BOD1L1: variants seen among roughly 807,000 people sequenced by gnomAD.
BOD1L1 encodes the protein biorientation of chromosomes in cell division protein 1-like 1.
A neutral mutation model predicts 240.7 loss-of-function variants in BOD1L1; 86 were observed. The observed-to-expected ratio is 0.36, with a 90% CI of 0.30 to 0.43. The LOEUF is 0.43. Among genes scored for constraint, BOD1L1 ranks in the 20% least tolerant of loss-of-function variants. BOD1L1 has a pLI of 1.00. For synonymous variants in BOD1L1, 1,268 were observed against 1,272.3 expected (o/e 1.00, Z 0.07); for missense variants, 3,554 against 3,643.5 (o/e 0.98, Z 0.63).
At chr4:13,581,704 T>A (rs1481699819) in intron 19 of BOD1L1, among the ~76,000 whole-genome samples, 1 of 152,184 alleles carries the variant, frequency 6.6e-6, no homozygotes, top group Non-Finnish European at 1.5e-5. Flanking sequence ...GCCACTGCAA[T>A]TCTCTGCTCC....
At chr4:13,589,771 TA>T (rs1324592550) in intron 14 of BOD1L1, among the ~76,000 whole-genome samples, 1 of 152,188 alleles carries the variant, frequency 6.6e-6, no homozygotes, top group African/African-American at 2.4e-5. Context: ...TGGGGGCACA[TA>T]GGTGTTTATT....
Position 13,604,749 on chromosome 4 carries a change from A to C in BOD1L1, c.2151T>G (p.Leu717=). The C allele has an allele frequency of 6.2e-7, 1 of 1,612,932 alleles. No homozygotes were observed. The highest frequency in any genetic ancestry group is 8.5e-7 in the Non-Finnish European group (1 of 1,179,720). ...DSETPHLKSL[L]KKEVKSSKEK... Reference sequence around the variant, plus strand: ...CCTTGGAGGATTTCACCTCTTTCTTAAGTAGGCTTTTCAAATGTGGTGTTT... The same window carrying C: ...CCTTGGAGGATTTCACCTCTTTCTTCAGTAGGCTTTTCAAATGTGGTGTTT... Residue 717 remains leucine, a synonymous_variant, in exon 10 of 26, where the codon CTT becomes CTG. Transcript: ENST00000040738.
chr4:13,598,888 TCTG>T, intron 10 of BOD1L1, 55 bp downstream of exon 10: 2 of 1,492,548 alleles, frequency 1.3e-6, no homozygotes, highest in Non-Finnish European at 1.8e-6. Flanking sequence ...CTAAATGCAC[TCTG>T]TTGTACAATC....
intron 8 of BOD1L1, among the ~76,000 whole-genome samples, 191 bp downstream of exon 8, chr4:13,608,339 T>C (rs776475337): frequency 6.6e-6 from 1 of 152,154 alleles, no homozygotes; most frequent in Non-Finnish European, 1.5e-5. Context: ...CCCAAAAAGA[T>C]TAGGATACAC....
intron 14 of BOD1L1, 97 bp downstream of exon 14, chr4:13,590,289 T>C (rs1714096484): frequency 7.2e-6 from 4 of 557,738 alleles, no homozygotes; most frequent in Admixed American, 8.1e-5. Flanking sequence ...TGAGAGAAAG[T>C]ATGTAAAATA....
intron 25 of BOD1L1, among the ~76,000 whole-genome samples, chr4:13,574,666 G>A (rs2108878077): frequency 1.3e-5 from 2 of 152,210 alleles, no homozygotes; most frequent in South Asian, 4.2e-4. Context: ...AAATGCATGG[G>A]TGTTGGGCTC....
chr4:13,588,820 A>C (rs1577328340), intron 14 of BOD1L1, 28 bp from the exon 15 acceptor site: 1 of 1,472,988 alleles, frequency 6.8e-7, no homozygotes, highest in South Asian at 1.3e-5. Flanking sequence ...AAAAGAAAAA[A>C]AAATCTTAAA....
Position 13,602,487 on chromosome 4 carries a change from A to G in BOD1L1, c.4413T>C (p.Ile1471=). 2 of 1,613,778 alleles carry G rather than the reference A, an allele frequency of 1.2e-6. No individual in the cohort carries two copies. Residue 1471 remains isoleucine (I), a synonymous_variant, in exon 10 of 26, where the codon ATT becomes ATC. Coordinates refer to ENST00000040738, the MANE Select transcript of BOD1L1 (RefSeq NM_148894.3). ...RSPGKVKDIS[I]DVERRNENSE... is the part of the protein sequence containing the mutation. The stretch of plus-strand genomic sequence containing the variant: ...TGTTTTCATTCCTTCTTTCAACATC[A>G]ATTGATATGTCTTTTACTTTACCTG...
At chr4:13,592,173 ATAAAT>A (rs1714270428) in intron 12 of BOD1L1, 3 of 508,634 alleles carry the variant, frequency 5.9e-6, no homozygotes, top group South Asian at 3.2e-5. Flanking sequence ...AAAAGACAAC[ATAAAT>A]TAATGTTGCC....
chr4:13,595,786 T>TG, intron 12 of BOD1L1, 74 bp downstream of exon 12: 1 of 1,215,970 alleles, frequency 8.2e-7, no homozygotes, highest in Non-Finnish European at 1.2e-6. Context: ...CATCAGCTAT[T>TG]GATTTTTAGA....
chr4:13,586,727 T>C (rs1713729824), intron 16 of BOD1L1, among the ~76,000 whole-genome samples: 1 of 152,232 alleles, frequency 6.6e-6, no homozygotes, highest in East Asian at 1.9e-4. Context: ...TAGTGGGTTC[T>C]ATGGGAAGGG....
chr4:13,595,689 G>A (rs1714562900), intron 12 of BOD1L1, among the ~76,000 whole-genome samples, 171 bp downstream of exon 12: 1 of 152,140 alleles, frequency 6.6e-6, no homozygotes, highest in Non-Finnish European at 1.5e-5. Context: ...GAGGAAAAGT[G>A]TATGTTAAAA....
chr4:13,575,342 C>G (rs764199523), intron 25 of BOD1L1, among the ~76,000 whole-genome samples: 3 of 151,778 alleles, frequency 2.0e-5, no homozygotes, highest in Non-Finnish European at 4.4e-5. Flanking sequence ...AAGATGATAC[C>G]AAGATTAATA....
In BOD1L1 at chr4:13,604,872, T is replaced by C; in HGVS notation, c.2028A>G (p.Val676=). 1 of 1,612,358 alleles carries C rather than the reference T, an allele frequency of 6.2e-7. No individual in the cohort carries two copies. The highest frequency in any genetic ancestry group is 8.5e-7 in the Non-Finnish European group (1 of 1,179,520). The part of the protein sequence containing the change: ...GVQEETDTRD[V]KRQVERSEIC... ...TTTCTGAGCGTTCTACTTGCCTTTT[T>C]ACATCTCTTGTGTCAGTCTCTTCCT... Residue 676 remains valine, a synonymous_variant, in exon 10 of 26, where the codon GTA becomes GTG. Coordinates refer to ENST00000040738, the MANE Select transcript of BOD1L1 (RefSeq NM_148894.3).
intron 22 of BOD1L1, 76 bp from the exon 23 acceptor site, chr4:13,577,707 CT>C: frequency 1.8e-6 from 2 of 1,090,018 alleles, no homozygotes; most frequent in Non-Finnish European, 2.7e-6. Flanking sequence ...CCTGGCTTGT[CT>C]GTCAATGTAT....
chr4:13,569,772 T>C lies in BOD1L1; in HGVS notation c.*239A>G, dbSNP rs1366948543. 3.1e-6 allele frequency: 1 copy of C among 317,846 alleles called. No individual in the cohort carries two copies. The highest frequency in any genetic ancestry group is 2.1e-5 in the African/African-American group (1 of 46,554). 19.7% of individuals were successfully genotyped at this position (317,846 alleles called of 1,614,324 possible). On this transcript the variant is annotated 3_prime_UTR_variant, in exon 26 of 26. Coordinates refer to ENST00000040738, the MANE Select transcript of BOD1L1 (RefSeq NM_148894.3). ...AATGTTAAAATATACAACTACTTTG[T>C]TTTGAGTTCAGATACAAAGTAAACT...
In BOD1L1 at chr4:13,620,084, G is replaced by A. The variant is rs775618592; in HGVS notation, c.244-17C>T. 1.9e-6 allele frequency: 3 copies of A among 1,587,198 alleles called. No homozygotes were observed. Among genetic ancestry groups the A allele is most frequent in the Non-Finnish European group, 2.6e-6 (3 of 1,165,516 alleles). On this transcript the variant is annotated splice_polypyrimidine_tract_variant and intron_variant, in intron 1 of 25. Transcript: ENST00000040738. ...ATACGCAGGCTAGAGAGAAAAAAAC[G>A]AAGGTAAGTCTTCAAGGTTATACAG...
chr4:13,585,058 G>T (rs1012569130), intron 17 of BOD1L1, among the ~76,000 whole-genome samples: 1 of 152,094 alleles, frequency 6.6e-6, no homozygotes, highest in African/African-American at 2.4e-5. Context: ...AAGAGAAAAT[G>T]AAATGATACC....
chr4:13,577,726 A>G, intron 22 of BOD1L1, 95 bp from the exon 23 acceptor site: 7 of 864,360 alleles, frequency 8.1e-6, no homozygotes, highest in Non-Finnish European at 1.3e-5. Flanking sequence ...TATCAGTATT[A>G]ATACATTGTT....
Sources: allele counts gnomAD v4.1 joint callset (sites outside exome capture counted in the v4.1 genomes callset), GRCh38; gene constraint gnomAD v4.1.1; transcripts MANE v1.5; gene names NCBI Gene and HGNC (gene_info 2026-07-23, HGNC 2026-07-21).